RBM33: variants seen among roughly 807,000 people sequenced by gnomAD.
The protein encoded by RBM33 is RNA-binding protein 33.
A neutral mutation model predicts 132.6 loss-of-function variants in RBM33; 28 were observed. That is an observed-to-expected ratio of 0.21 (90% CI 0.16 to 0.29). The LOEUF is 0.29. Among genes scored for constraint, RBM33 ranks in the 10% least tolerant of loss-of-function variants. RBM33 has a pLI of 1.00. For synonymous variants in RBM33, 634 were observed against 593.0 expected, an observed-to-expected ratio of 1.07 and a Z score of -1.01; for missense variants, 1,291 against 1,518.5, an observed-to-expected ratio of 0.85 and a Z score of 2.49.
At chr7:155,651,185 T>A (rs1798344469) in intron 1 of RBM33, among the ~76,000 whole-genome samples, 1 of 152,142 alleles carries the variant, frequency 6.6e-6, no homozygotes, top group African/African-American at 2.4e-5. Flanking sequence ...GCCGACAGCT[T>A]CTTGAGTGTG....
At chr7:155,665,290 C>A in intron 2 of RBM33, 37 bp downstream of exon 2, 2 of 1,570,856 alleles carry the variant, frequency 1.3e-6, no homozygotes, top group Non-Finnish European at 1.8e-6. Flanking sequence ...CTGCCTGTGC[C>A]GATCTCTCTC....
At chr7:155,660,970 GT>G (rs1382288097) in intron 1 of RBM33, among the ~76,000 whole-genome samples, 1 of 151,684 alleles carries the variant, frequency 6.6e-6, no homozygotes, top group Non-Finnish European at 1.5e-5. Flanking sequence ...TCTGTTATCT[GT>G]TTTCAAGTTT....
chr7:155,684,865 A>G, intron 5 of RBM33: 2 of 1,492,362 alleles, frequency 1.3e-6, no homozygotes, highest in Non-Finnish European at 1.8e-6. Flanking sequence ...CATAAAGACG[A>G]AAAGTACGTA....
Position 155,745,219 on chromosome 7 carries a change from G to C in RBM33, c.2596G>C (p.Val866Leu). 6.2e-7 allele frequency: 1 copy of C among 1,612,512 alleles called. No individual in the cohort carries two copies. The highest frequency in any genetic ancestry group is 8.5e-7 in the Non-Finnish European group (1 of 1,179,246). The change falls in exon 14 of 18, where the codon GTC (valine) becomes CTC (leucine). Residue 866 changes from valine to leucine, a missense_variant. Coordinates refer to ENST00000401878, the MANE Select transcript of RBM33 (RefSeq NM_053043.3). The surrounding 1 kb of genome is among the most constrained non-coding windows in gnomAD (Gnocchi z 4.1). Reference sequence around the variant, plus strand: ...ACTGTTGCCCTTTCCAGGTGCACAGGTCAGACAAAATGTGAAGAACAGACT... The same window carrying C: ...ACTGTTGCCCTTTCCAGGTGCACAGCTCAGACAAAATGTGAAGAACAGACT... Reference protein sequence around the residue: ...NPLLPFPGAQVRQNVKNRLLV... With the variant: ...NPLLPFPGAQLRQNVKNRLLV...
chr7:155,673,940 G>GTTGTTTTTTGTTTTTGTTTTTT lies in RBM33; in HGVS notation c.171+1027_171+1028insGTTTTTTGTTTTTGTTTTTTTT. 1.1e-4 allele frequency among the ~76,000 whole-genome samples: 6 copies of GTTGTTTTTTGTTTTTGTTTTTT among 54,214 alleles called. 1 individual carries two copies. Among genetic ancestry groups the GTTGTTTTTTGTTTTTGTTTTTT allele is most frequent in the African/African-American group, 2.5e-4 (3 of 12,118 alleles). 35.6% of individuals were successfully genotyped at this position (54,214 alleles called of 152,430 possible). ...TCATTATCAAGATAGTTTAGGCTTA[G>GTTGTTTTTTGTTTTTGTTTTTT]TTTTTTTTTTTTTTTTTTTTTTTTT... On this transcript the variant is annotated intron_variant, in intron 3 of 17. Transcript: ENST00000401878.
rs533624940 is a variant in RBM33, at chr7:155,769,600, G to T, written c.3375+2945G>T. Reference sequence around the variant, plus strand: ...CCCACCATGGAGGCCCTGTGAACTCGGTGGAAGGTGGGATCATCTCGGCGT... The same window carrying T: ...CCCACCATGGAGGCCCTGTGAACTCTGTGGAAGGTGGGATCATCTCGGCGT... On this transcript the variant is annotated intron_variant, in intron 16 of 17. Transcript: ENST00000401878. 2.0e-5 allele frequency among the ~76,000 whole-genome samples: 3 copies of T among 152,254 alleles called. No individual in the cohort carries two copies. In the South Asian group the frequency reaches 6.2e-4, roughly 32 times the overall value.
At chr7:155,746,304 A>C (rs1485940812) in intron 14 of RBM33, 3 of 152,146 alleles carry the variant, frequency 2.0e-5, no homozygotes, top group African/African-American at 7.2e-5. Context: ...GTGTGTGTCT[A>C]ATTTGAATCA....
intron 16 of RBM33, among the ~76,000 whole-genome samples, chr7:155,767,690 G>C (rs1394113079): frequency 6.6e-6 from 1 of 152,154 alleles, no homozygotes; most frequent in Non-Finnish European, 1.5e-5. Context: ...ATTTTTATTG[G>C]TGTGTAGTAA....
At chr7:155,666,002 A>G (rs917423922) in intron 2 of RBM33, among the ~76,000 whole-genome samples, 5 of 152,270 alleles carry the variant, frequency 3.3e-5, no homozygotes, top group African/African-American at 1.2e-4. Context: ...GTTTTATAGA[A>G]TAATCTAACT....
chr7:155,745,506 T>G lies in RBM33; in HGVS notation c.2883T>G (p.Pro961=). 1 of 1,613,358 alleles carries G rather than the reference T, an allele frequency of 6.2e-7. No individual in the cohort carries two copies. The highest frequency in any genetic ancestry group is 2.2e-5 in the East Asian group (1 of 44,862). The stretch of plus-strand genomic sequence containing the variant: ...AGGGCCGGCCCCAGGACACAAAGCC[T>G]GGCGTGAAAAGGACTGTCACGCACA... ...SIQGRPQDTK[P]GVKRTVTHRT... The change falls in exon 14 of 18, where the codon CCT becomes CCG. Residue 961 remains proline, a synonymous_variant. Coordinates refer to ENST00000401878, the MANE Select transcript of RBM33 (RefSeq NM_053043.3). This position sits in a 1 kb window ranked among gnomAD's most constrained non-coding sequence, Gnocchi z 4.1.
At chr7:155,654,685 A>G (rs941201318) in intron 1 of RBM33, among the ~76,000 whole-genome samples, 4 of 152,068 alleles carry the variant, frequency 2.6e-5, no homozygotes, top group Non-Finnish European at 4.4e-5. Context: ...ACCAAACTTG[A>G]TTTTCCCCAG....
Position 155,775,072 on chromosome 7 carries a change from T to TAC in RBM33, c.*38_*39dup. 1 of 1,595,350 alleles carries TAC rather than the reference T, an allele frequency of 6.3e-7. No homozygotes were observed. Among genetic ancestry groups the TAC allele is most frequent in the Non-Finnish European group, 8.6e-7 (1 of 1,162,872 alleles). On this transcript the variant is annotated 3_prime_UTR_variant, in exon 18 of 18. Coordinates refer to ENST00000401878, the MANE Select transcript of RBM33 (RefSeq NM_053043.3). The stretch of plus-strand genomic sequence containing the variant: ...AACAAGAGAGCCTGACCTTAGGCTG[T>TAC]ACACACACTGTGGAATTTCTTCAAG...
chr7:155,746,881 A>G (rs1411490835), intron 14 of RBM33, among the ~76,000 whole-genome samples: 1 of 152,260 alleles, frequency 6.6e-6, no homozygotes, highest in Admixed American at 6.5e-5. Flanking sequence ...ACAGTAAAAA[A>G]AGAAAATAAC....
chr7:155,673,631 C>T (rs1484252783), intron 3 of RBM33, among the ~76,000 whole-genome samples: 3 of 25,962 alleles, frequency 1.2e-4, no homozygotes, highest in African/African-American at 2.8e-4. Context: ...TATATACACA[C>T]ATATACATAC....
intron 14 of RBM33, among the ~76,000 whole-genome samples, chr7:155,752,110 G>C (rs1194075004): frequency 3.3e-5 from 5 of 152,186 alleles, no homozygotes. Flanking sequence ...CCTTTGATTT[G>C]TTGCCATTAC....
intron 9 of RBM33, among the ~76,000 whole-genome samples, chr7:155,719,207 A>G (rs1020214962): frequency 6.6e-6 from 1 of 152,082 alleles, no homozygotes; most frequent in African/African-American, 2.4e-5. Flanking sequence ...TAGGGGAAAA[A>G]ATGTACTGAC....
At chr7:155,757,077 GA>G (rs1317896301) in intron 14 of RBM33, among the ~76,000 whole-genome samples, 3 of 152,150 alleles carry the variant, frequency 2.0e-5, no homozygotes, top group Admixed American at 2.0e-4. Context: ...TGGGAAAGGT[GA>G]AATGAAAATT....
chr7:155,657,873 AC>A (rs35382694), intron 1 of RBM33, among the ~76,000 whole-genome samples: 90,806 of 152,056 alleles, frequency 0.6, 29,313 homozygotes, highest in South Asian at 0.76. Context: ...TTCATTAAGA[AC>A]TATTTTTTGG....
intron 9 of RBM33, among the ~76,000 whole-genome samples, chr7:155,727,247 G>C (rs940815897): frequency 6.6e-6 from 1 of 152,316 alleles, no homozygotes; most frequent in Non-Finnish European, 1.5e-5. Flanking sequence ...GCCAGCTGAG[G>C]TATCCCCCAG....
Sources: gnomAD v4.1 joint callset for allele counts (sites outside exome capture counted in the v4.1 genomes callset) on GRCh38, gnomAD v4.1.1 for gene constraint, Gnocchi (gnomAD v3.1) non-coding constraint, MANE v1.5 for transcripts, NCBI Gene and HGNC (gene_info 2026-07-23, HGNC 2026-07-21) for gene names.